The following RB1CC1 variants were observed in gnomAD, a reference collection of about 807,000 sequenced individuals.
RB1CC1 encodes RB1 inducible coiled-coil 1.
A neutral mutation model predicts 177.5 loss-of-function variants in RB1CC1; 46 were observed. The ratio of observed to expected loss-of-function variants is 0.26; its 90% CI spans 0.20 to 0.33. The LOEUF (loss-of-function observed/expected upper bound fraction) is 0.33. Ranked by LOEUF, RB1CC1 falls within the 10% of genes least tolerant of loss-of-function variation. The pLI, the probability that RB1CC1 is intolerant of heterozygous loss-of-function variation, is 1.00. For missense variants in RB1CC1, 1,703 were observed against 1,816.3 expected, an observed-to-expected ratio of 0.94 and a Z score of 1.13; for synonymous variants, 666 against 613.6, an observed-to-expected ratio of 1.09 and a Z score of -1.26.
Position 52,685,502 on chromosome 8 carries a change from T to G in RB1CC1, c.-33A>C, listed in dbSNP as rs1854192426. 7.4e-7 allele frequency: 1 copy of G among 1,342,790 alleles called. No homozygotes were observed. The highest frequency in any genetic ancestry group is 1.1e-6 in the Non-Finnish European group (1 of 947,358). 83.2% of individuals were successfully genotyped at this position (1,342,790 alleles called of 1,614,324 possible). A position where few individuals can be genotyped will look rare whatever the true frequency, so the allele number is the denominator to read the frequency against. ...TATCTGAATTCTGTGAGCTTATACC[T>G]CACCCTCTGATACAGTTACTAGAAG... On this transcript the variant is annotated 5_prime_UTR_variant, in exon 3 of 24. Transcript: ENST00000025008.
chr8:52,704,258 A>G (rs1179299091), intron 1 of RB1CC1, among the ~76,000 whole-genome samples: 1 of 152,188 alleles, frequency 6.6e-6, no homozygotes, highest in African/African-American at 2.4e-5. Flanking sequence ...TTCTATAAAT[A>G]GTCAAATCAT....
chr8:52,686,578 T>C (rs2150609627), intron 2 of RB1CC1, among the ~76,000 whole-genome samples: 1 of 152,036 alleles, frequency 6.6e-6, no homozygotes, highest in South Asian at 2.1e-4. Flanking sequence ...AAACTTAAAA[T>C]AATGACATAA....
chr8:52,685,704 T>C (rs1279925549), intron 2 of RB1CC1, among the ~76,000 whole-genome samples, 184 bp from the exon 3 acceptor site: 1 of 151,838 alleles, frequency 6.6e-6, no homozygotes, highest in East Asian at 1.9e-4. Flanking sequence ...TAAAAATAAA[T>C]AGTAATGAGT....
chr8:52,663,819 T>G (rs1195830554), intron 8 of RB1CC1, among the ~76,000 whole-genome samples: 1 of 152,162 alleles, frequency 6.6e-6, no homozygotes, highest in African/African-American at 2.4e-5. Flanking sequence ...TCTCATTTTA[T>G]TAAGTATTGA....
At chr8:52,712,572 T>G (rs1857150520) in intron 1 of RB1CC1, among the ~76,000 whole-genome samples, 1 of 146,614 alleles carries the variant, frequency 6.8e-6, no homozygotes, top group South Asian at 2.1e-4. Context: ...AACAAACATA[T>G]AAAGGATTAG....
intron 1 of RB1CC1, among the ~76,000 whole-genome samples, chr8:52,694,524 A>G (rs192004154): frequency 1.3e-5 from 2 of 152,230 alleles, no homozygotes; most frequent in East Asian, 3.9e-4. Flanking sequence ...CATAGCCTCA[A>G]TTTTGCCTCT....
chr8:52,646,833 TCTA>T (rs1469365736), intron 15 of RB1CC1, among the ~76,000 whole-genome samples: 1 of 152,156 alleles, frequency 6.6e-6, no homozygotes, highest in Non-Finnish European at 1.5e-5. Context: ...ATTAATCTTA[TCTA>T]CTTTCAACTT....
At chr8:52,700,527 T>C (rs1471368239) in intron 1 of RB1CC1, among the ~76,000 whole-genome samples, 1 of 152,130 alleles carries the variant, frequency 6.6e-6, no homozygotes, top group Non-Finnish European at 1.5e-5. Context: ...AGAGCAAGAC[T>C]ATCTTTAGAA....
intron 1 of RB1CC1, among the ~76,000 whole-genome samples, chr8:52,698,034 G>C (rs1563461212): frequency 6.6e-6 from 1 of 152,080 alleles, no homozygotes; most frequent in Non-Finnish European, 1.5e-5. Flanking sequence ...CATATTTTAA[G>C]ACAGGATTTA....
intron 1 of RB1CC1, among the ~76,000 whole-genome samples, chr8:52,702,027 C>T (rs145379017): frequency 0.016 from 2,391 of 152,076 alleles, 32 homozygotes; most frequent in Non-Finnish European, 0.024. Context: ...AGGCTGGTCT[C>T]GAACTCTTGA....
chr8:52,687,555 C>A (rs926267139), intron 1 of RB1CC1, among the ~76,000 whole-genome samples: 57 of 152,248 alleles, frequency 3.7e-4, no homozygotes, highest in African/African-American at 1.3e-3. Flanking sequence ...CTCTCTCTTG[C>A]CAGCTTTGAT....
chr8:52,704,086 G>A (rs950046255), intron 1 of RB1CC1, among the ~76,000 whole-genome samples: 7 of 152,046 alleles, frequency 4.6e-5, no homozygotes, highest in African/African-American at 1.7e-4. Flanking sequence ...TACATATTTG[G>A]TCACCCTGAA....
rs1183681817 is a variant in RB1CC1 at position 52,676,364 on chromosome 8, C to T, written c.572+5G>A. On this transcript the variant is annotated splice_donor_5th_base_variant and intron_variant, in intron 6 of 23. Coordinates refer to ENST00000025008, the MANE Select transcript of RB1CC1 (RefSeq NM_014781.5). ...AAATATTATCCATTTTAATGGCAAA[C>T]ATACTGAGTAAGTTTTAACTTGATG... is the stretch of plus-strand genomic sequence containing the variant. 6.3e-7 allele frequency: 1 copy of T among 1,592,476 alleles called. No homozygotes were observed. The highest frequency in any genetic ancestry group is 1.3e-5 in the African/African-American group (1 of 74,158).
chr8:52,682,663 TTCTC>T (rs1220163581), intron 5 of RB1CC1, among the ~76,000 whole-genome samples: 6 of 152,246 alleles, frequency 3.9e-5, no homozygotes, highest in Non-Finnish European at 5.9e-5. Context: ...ATTTAATACT[TTCTC>T]TATCAAAATG....
At chr8:52,692,505 T>C (rs975907206) in intron 1 of RB1CC1, among the ~76,000 whole-genome samples, 1 of 152,094 alleles carries the variant, frequency 6.6e-6, no homozygotes, top group African/African-American at 2.4e-5. Context: ...AATCCTATAG[T>C]GAGAGAGGTT....
At position 52,656,274 on chromosome 8, in the gene RB1CC1, T is replaced by C. The variant is rs745354158; in HGVS notation, c.3555A>G (p.Ser1185=). The C allele has an allele frequency of 3.7e-6, 6 of 1,613,466 alleles. No homozygotes were observed. The highest frequency in any genetic ancestry group is 5.1e-6 in the Non-Finnish European group (6 of 1,179,832). Reference sequence around the variant, plus strand: ...TTTGTCTTTCAAGAGCACTCAATTCTGAATCCAATTTACTCTGCAGTTCAA... The same window carrying C: ...TTTGTCTTTCAAGAGCACTCAATTCCGAATCCAATTTACTCTGCAGTTCAA... ...QIIELQSKLD[S]ELSALERQKD... The change falls in exon 15 of 24, where the codon TCA becomes TCG. Residue 1185 remains serine, a synonymous_variant. Transcript: ENST00000025008.
At chr8:52,646,689 A>T (rs983392585) in intron 15 of RB1CC1, among the ~76,000 whole-genome samples, 1 of 152,194 alleles carries the variant, frequency 6.6e-6, no homozygotes, top group African/African-American at 2.4e-5. Flanking sequence ...AAGACTTACT[A>T]ACCTCTTAGG....
chr8:52,624,474 G>C (rs1273949131), intron 23 of RB1CC1, among the ~76,000 whole-genome samples: 1 of 151,876 alleles, frequency 6.6e-6, no homozygotes, highest in African/African-American at 2.4e-5. Context: ...AACAGTCATA[G>C]AACACAGACT....
rs1354830962 is a variant in RB1CC1, at chr8:52,674,209, T to A, written c.638A>T (p.Tyr213Phe). ...PLLECLTRHSYRECLGRLDSL... is the reference protein window; with the variant it reads ...PLLECLTRHSFRECLGRLDSL... ...ATCCAGTCTTCCCAAACATTCTCTGTAACTATGTCTGGTTAGGCACTCCAA... is the reference window on the plus strand; with the variant it reads ...ATCCAGTCTTCCCAAACATTCTCTGAAACTATGTCTGGTTAGGCACTCCAA... The change falls in exon 7 of 24, where the codon TAC becomes TTC. Residue 213 changes from tyrosine to phenylalanine, a missense_variant. By Grantham distance (22) the Tyr-to-Phe change is conservative (BLOSUM62 3). This residue lies in a region of RB1CC1 where 315 missense variants were observed against 304.9 expected (regional missense o/e 1.03). Transcript: ENST00000025008. 6.2e-7 allele frequency: 1 copy of A among 1,612,400 alleles called. No homozygotes were observed. Among genetic ancestry groups the A allele is most frequent in the African/African-American group, 1.3e-5 (1 of 74,904 alleles).
Sources: allele counts gnomAD v4.1 joint callset (sites outside exome capture counted in the v4.1 genomes callset), GRCh38; gene constraint gnomAD v4.1.1; regional missense constraint gnomAD v4.1.1; transcripts MANE v1.5; gene names NCBI Gene and HGNC (gene_info 2026-07-23, HGNC 2026-07-21).